UBQLN4: variants seen among roughly 807,000 people sequenced by gnomAD.
The protein encoded by UBQLN4 is ubiquilin 4.
Under a neutral mutation model 60.4 loss-of-function variants are expected in UBQLN4, and 11 were observed. The ratio of observed to expected loss-of-function variants is 0.18; its 90% CI spans 0.11 to 0.30. The LOEUF is 0.30. Ranked by LOEUF, UBQLN4 falls within the 10% of genes least tolerant of loss-of-function variation. The pLI is 1.00. For missense variants in UBQLN4, 417 were observed against 795.5 expected, an observed-to-expected ratio of 0.52 and a Z score of 5.72; for synonymous variants, 258 against 313.1, an observed-to-expected ratio of 0.82 and a Z score of 1.86.
At chr1:156,032,990 C>T (rs976799285), downstream of UBQLN4, among the ~76,000 whole-genome samples, 16 of 152,182 alleles carry the variant, frequency 1.1e-4, no homozygotes, top group Non-Finnish European at 5.9e-5. Flanking sequence ...TTGCAATCAC[C>T]TAGGACAGGA....
rs1489746039 is a variant in UBQLN4, at chr1:156,051,130, C to G, written c.458G>C (p.Ser153Thr). Residue 153 changes from serine (S) to threonine (T), a missense_variant, in exon 3 of 11, where the codon AGT (serine) becomes ACT (threonine). Physicochemically the swap from Ser to Thr is moderately conservative, Grantham distance 58. Coordinates refer to ENST00000368309, the MANE Select transcript of UBQLN4 (RefSeq NM_020131.5). Reference protein sequence around the residue: ...PSPGAGEGSPSATASILSGFG... With the variant: ...PSPGAGEGSPTATASILSGFG... ...CTTACAGAGTATGGACGCAGTAGCA[C>G]TGGGGGATCCCTCCCCAGCCCCCGG... The G allele has an allele frequency of 2.5e-6, 4 of 1,613,500 alleles. No homozygotes were observed. Among genetic ancestry groups the G allele is most frequent in the Middle Eastern group, 3.3e-4 (2 of 6,060 alleles).
chr1:156,034,867 A>ATG (rs1351522286), downstream of UBQLN4, among the ~76,000 whole-genome samples: 2 of 77,890 alleles, frequency 2.6e-5, no homozygotes, highest in African/African-American at 9.3e-5. Flanking sequence ...ATATATATAT[A>ATG]TATAATTTTT....
rs533391085 is a variant in UBQLN4 at position 156,041,590 on chromosome 1, G to A, written c.1548C>T (p.Ser516=). The change falls in exon 10 of 11, where the codon TCC becomes TCT. Residue 516 remains serine (S), a synonymous_variant. Coordinates refer to ENST00000368309, the MANE Select transcript of UBQLN4 (RefSeq NM_020131.5). ...NAGSTPEAPT[S]SPATPATSSP... is the part of the protein sequence containing the mutation. ...AAGATGTGGCTGGCGTGGCTGGTGA[G>A]GAAGTGGGGGCCTCGGGCGTAGACC... The A allele has an allele frequency of 3.0e-5, 49 of 1,612,876 alleles. No individual in the cohort carries two copies. In the South Asian group the frequency reaches 5.0e-4, roughly 16 times the overall value.
Position 156,048,766 on chromosome 1 carries a change from G to GC in UBQLN4, c.742-108dup. On this transcript the variant is annotated intron_variant, in intron 4 of 10. Transcript: ENST00000368309. This position sits in a 1 kb window ranked among gnomAD's most constrained non-coding sequence, Gnocchi z 4.9. ...GGTCTGTATCAGGATCAGGACCAGG[G>GC]CCCAGGAACTGCCCCACAGTGACAG... 3 of 1,260,374 alleles carry GC rather than the reference G, an allele frequency of 2.4e-6. No individual in the cohort carries two copies. The highest frequency in any genetic ancestry group is 2.9e-5 in the South Asian group (2 of 67,892). The allele number at this position is 1,260,374 out of a possible 1,614,324, so 78.1% of individuals were successfully genotyped here.
rs775053458 is a variant in UBQLN4 at position 156,037,090 on chromosome 1, T to C, written c.1694A>G (p.Gln565Arg). Reference protein sequence around the residue: ...PEVRFQQQLEQLNSMGFINRE... With the variant: ...PEVRFQQQLERLNSMGFINRE... The stretch of plus-strand genomic sequence containing the variant: ...ATTGATGAAGCCCATGGAGTTGAGC[T>C]GCTCCAGCTGCTGCTGAAATCTCAC... Residue 565 changes from glutamine (Q) to arginine (R), a missense_variant, in exon 11 of 11, where the codon CAG becomes CGG. Physicochemically the swap from Gln to Arg is conservative, Grantham distance 43 (BLOSUM62 1). Transcript: ENST00000368309. The C allele has an allele frequency of 6.2e-7, 1 of 1,614,210 alleles. No individual in the cohort carries two copies. Among genetic ancestry groups the C allele is most frequent in the South Asian group, 1.1e-5 (1 of 91,092 alleles).
Position 156,035,495 on chromosome 1 carries a change from G to A in UBQLN4, c.*1483C>T. 1.0e-6 allele frequency: 1 copy of A among 985,402 alleles called. No individual in the cohort carries two copies. Among genetic ancestry groups the A allele is most frequent in the Admixed American group, 6.2e-5 (1 of 16,252 alleles). 61.0% of individuals were successfully genotyped at this position (985,402 alleles called of 1,614,324 possible). A position where few individuals can be genotyped will look rare whatever the true frequency, so the allele number is the denominator to read the frequency against. The stretch of plus-strand genomic sequence containing the variant: ...AAGCAGCTGGGCCAAGTAGGAGAGG[G>A]AAGAGGTGATATGAGCCTCCTCTGT... On this transcript the variant is annotated 3_prime_UTR_variant, in exon 11 of 11. Coordinates refer to ENST00000368309, the MANE Select transcript of UBQLN4 (RefSeq NM_020131.5).
Position 156,053,781 on chromosome 1 carries a change from T to C in UBQLN4, c.-80A>G. 1 of 813,600 alleles carries C rather than the reference T, an allele frequency of 1.2e-6. No individual in the cohort carries two copies. The highest frequency in any genetic ancestry group is 1.6e-6 in the Non-Finnish European group (1 of 612,236). 50.4% of individuals were successfully genotyped at this position (813,600 alleles called of 1,614,324 possible). On this transcript the variant is annotated 5_prime_UTR_variant, in exon 1 of 11. Coordinates refer to ENST00000368309, the MANE Select transcript of UBQLN4 (RefSeq NM_020131.5). ...CCCGCCCGGCCGGCCCGGCTCGGCT[T>C]CTGCGCCTCCAACACTCCCCTCTCT...
chr1:156,039,075 A>T (rs1683479044), intron 10 of UBQLN4, among the ~76,000 whole-genome samples: 1 of 152,054 alleles, frequency 6.6e-6, no homozygotes, highest in Non-Finnish European at 1.5e-5. Flanking sequence ...TACAGGCATG[A>T]GCCACCATGC....
At chr1:156,043,441 T>C (rs1472837221) in intron 6 of UBQLN4, among the ~76,000 whole-genome samples, 1 of 152,096 alleles carries the variant, frequency 6.6e-6, no homozygotes, top group Non-Finnish European at 1.5e-5. Flanking sequence ...CAGTCCTTAC[T>C]TTACAAATAA....
chr1:156,053,453 T>A, intron 1 of UBQLN4, 141 bp downstream of exon 1: 5 of 393,402 alleles, frequency 1.3e-5, no homozygotes, highest in Non-Finnish European at 1.9e-5. Context: ...CCGCCTCTCC[T>A]TGCCTTCAGC....
In UBQLN4 at chr1:156,035,462, G is replaced by A. The variant is rs557296412; in HGVS notation, c.*1516C>T. On this transcript the variant is annotated 3_prime_UTR_variant, in exon 11 of 11. Transcript: ENST00000368309. ...CCGTCATATTCTCAGCCATGGGGTC[G>A]GTCCTCCAAGCAGCTGGGCCAAGTA... 28 of 984,642 alleles carry A rather than the reference G, an allele frequency of 2.8e-5. No individual in the cohort carries two copies. The highest frequency in any genetic ancestry group is 3.1e-5 in the Non-Finnish European group (26 of 829,388). The allele number at this position is 984,642 out of a possible 1,614,324, so 61.0% of individuals were successfully genotyped here. A position where few individuals can be genotyped will look rare whatever the true frequency, so the allele number is the denominator to read the frequency against.
intron 10 of UBQLN4, 125 bp from the exon 11 acceptor site, chr1:156,037,255 G>T: frequency 1.6e-6 from 2 of 1,243,722 alleles, no homozygotes; most frequent in South Asian, 1.5e-5. Flanking sequence ...GGGCAGGGAA[G>T]ATGAGCTGCA....
intron 1 of UBQLN4, among the ~76,000 whole-genome samples, chr1:156,052,748 T>G (rs1396070972): frequency 6.6e-6 from 1 of 152,206 alleles, no homozygotes; most frequent in African/African-American, 2.4e-5. Flanking sequence ...TGCCTCTCAA[T>G]GAGAGCCGTT....
At chr1:156,034,323 G>A (rs1683345335), downstream of UBQLN4, among the ~76,000 whole-genome samples, 1 of 146,506 alleles carries the variant, frequency 6.8e-6, no homozygotes, top group Non-Finnish European at 1.5e-5. Flanking sequence ...TTGAGACGGA[G>A]TCTTGCTCTG....
At chr1:156,042,469 G>T (rs1683594223) in intron 7 of UBQLN4, 13 of 1,376,192 alleles carry the variant, frequency 9.4e-6, no homozygotes. Flanking sequence ...TGATGATGAT[G>T]AGGACAGCTA....
At chr1:156,032,947 G>A (rs115874151), downstream of UBQLN4, among the ~76,000 whole-genome samples, 524 of 152,252 alleles carry the variant, frequency 3.4e-3, 4 homozygotes, top group South Asian at 0.028. Flanking sequence ...TGAGGAAGAG[G>A]AGGAGGACCA....
chr1:156,038,565 G>A (rs1683464829), intron 10 of UBQLN4, among the ~76,000 whole-genome samples: 1 of 150,060 alleles, frequency 6.7e-6, no homozygotes, highest in South Asian at 2.1e-4. Context: ...GCTGAGGCAG[G>A]AGAATCGCTT....
At chr1:156,037,274 C>A (rs1683431069) in intron 10 of UBQLN4, 144 bp from the exon 11 acceptor site, 5 of 1,049,670 alleles carry the variant, frequency 4.8e-6, no homozygotes, top group Non-Finnish European at 4.1e-6. Flanking sequence ...CAAATGGGGG[C>A]CCAGGAGCCT....
Position 156,042,271 on chromosome 1 carries a change from C to T in UBQLN4, c.1267-35G>A, listed in dbSNP as rs1238834734. 5 of 1,543,160 alleles carry T rather than the reference C, an allele frequency of 3.2e-6. No homozygotes were observed. In the African/African-American group the frequency reaches 4.1e-5, roughly 13 times the overall value. On this transcript the variant is annotated intron_variant, in intron 7 of 10. Transcript: ENST00000368309. ...TGAAGGTAGCAGGGGGAGACCTGGGCCTTTTCACCCTAAGAATTCCCCCAC... is the reference window on the plus strand; with the variant it reads ...TGAAGGTAGCAGGGGGAGACCTGGGTCTTTTCACCCTAAGAATTCCCCCAC...
Sources: allele counts gnomAD v4.1 joint callset (sites outside exome capture counted in the v4.1 genomes callset), GRCh38; gene constraint gnomAD v4.1.1; non-coding constraint Gnocchi (gnomAD v3.1); transcripts MANE v1.5; gene names NCBI Gene and HGNC (gene_info 2026-07-23, HGNC 2026-07-21).